Variants in CTNND2 observed in about 807,000 individuals in gnomAD.
CTNND2 encodes catenin delta-2.
Under a neutral mutation model 144.4 loss-of-function variants are expected in CTNND2, and 22 were observed. That is an observed-to-expected ratio of 0.15 (90% CI 0.11 to 0.22). The LOEUF (loss-of-function observed/expected upper bound fraction) is 0.22. CTNND2 is among the 10% of genes least tolerant of loss of function. The pLI is 1.00. For synonymous variants in CTNND2, 751 were observed against 695.6 expected (o/e 1.08, Z -1.25); for missense variants, 1,353 against 1,618.8 (o/e 0.84, Z 2.82).
chr5:11,076,007 C>T (rs747130108), intron 16 of CTNND2, among the ~76,000 whole-genome samples: 5 of 152,118 alleles, frequency 3.3e-5, no homozygotes, highest in Admixed American at 6.5e-5. Context: ...AACTACATAC[C>T]GAGTTCTTGT....
intron 16 of CTNND2, among the ~76,000 whole-genome samples, chr5:11,038,472 C>T (rs1312162590): frequency 6.6e-6 from 1 of 152,184 alleles, no homozygotes; most frequent in African/African-American, 2.4e-5. Flanking sequence ...CCACCGACCT[C>T]AGTCCATGGA....
chr5:11,384,869 C>T lies in CTNND2; in HGVS notation c.973G>A (p.Gly325Ser), dbSNP rs562893426. The T allele has an allele frequency of 1.2e-6, 2 of 1,612,162 alleles. No individual in the cohort carries two copies. The highest frequency in any genetic ancestry group is 1.7e-6 in the Non-Finnish European group (2 of 1,179,470). Reference sequence around the variant, plus strand: ...GAGGTCACGCGGATCGGGGACAGGCCGGCCGAGGACACGACGATGTTGATG... The same window carrying T: ...GAGGTCACGCGGATCGGGGACAGGCTGGCCGAGGACACGACGATGTTGATG... ...SPINIVVSSA[G>S]LSPIRVTSPP... Residue 325 changes from glycine to serine, a missense_variant, in exon 7 of 22, where the codon GGC becomes AGC. Coordinates refer to ENST00000304623, the MANE Select transcript of CTNND2 (RefSeq NM_001332.4). The surrounding 1 kb of genome is among the most constrained non-coding windows in gnomAD (Gnocchi z 5.2).
At chr5:11,618,259 T>C (rs1332638587) in intron 2 of CTNND2, among the ~76,000 whole-genome samples, 1 of 152,224 alleles carries the variant, frequency 6.6e-6, no homozygotes, top group Non-Finnish European at 1.5e-5. Flanking sequence ...AATGTTTGAA[T>C]ACAAATATAT....
intron 1 of CTNND2, among the ~76,000 whole-genome samples, chr5:11,847,773 T>C (rs1299647621): frequency 1.3e-5 from 2 of 151,894 alleles, no homozygotes; most frequent in African/African-American, 2.4e-5. Context: ...ATTATAAATT[T>C]TAAAAAACTA....
intron 19 of CTNND2, among the ~76,000 whole-genome samples, chr5:10,990,824 A>G (rs1173259744): frequency 6.6e-6 from 1 of 152,158 alleles, no homozygotes; most frequent in Admixed American, 6.5e-5. Flanking sequence ...CACTGTCTGC[A>G]TGGCTGGTTG....
intron 10 of CTNND2, among the ~76,000 whole-genome samples, chr5:11,211,624 C>T (rs932994332): frequency 6.6e-6 from 1 of 152,202 alleles, no homozygotes; most frequent in Non-Finnish European, 1.5e-5. Context: ...TTTTGGTTGA[C>T]TGACAGATGG....
At chr5:11,117,047 T>C (rs1753616927) in intron 13 of CTNND2, among the ~76,000 whole-genome samples, 3 of 151,408 alleles carry the variant, frequency 2.0e-5, no homozygotes, top group Admixed American at 2.0e-4. Context: ...AGAGCCTGGG[T>C]GACAGAGCGA....
chr5:11,539,364 C>T (rs1214590832), intron 3 of CTNND2, among the ~76,000 whole-genome samples: 1 of 152,188 alleles, frequency 6.6e-6, no homozygotes, highest in African/African-American at 2.4e-5. Context: ...CAGCCCATGT[C>T]TGCTTTGTGA....
At chr5:10,978,573 A>T (rs529988775) in intron 21 of CTNND2, among the ~76,000 whole-genome samples, 2 of 152,160 alleles carry the variant, frequency 1.3e-5, no homozygotes, top group African/African-American at 2.4e-5. Flanking sequence ...CCAATTATCC[A>T]CTTCCCTTGG....
At chr5:11,004,770 CAAA>C (rs56261802) in intron 18 of CTNND2, among the ~76,000 whole-genome samples, 7 of 88,834 alleles carry the variant, frequency 7.9e-5, no homozygotes, top group Non-Finnish European at 4.7e-5. Flanking sequence ...CTCCTTCTCA[CAAA>C]AAAAAAAAAA....
At chr5:11,149,673 T>A (rs1757566227) in intron 12 of CTNND2, among the ~76,000 whole-genome samples, 1 of 152,200 alleles carries the variant, frequency 6.6e-6, no homozygotes, top group Non-Finnish European at 1.5e-5. Flanking sequence ...TCTGAAGTCC[T>A]GGCGGTCTGT....
intron 9 of CTNND2, among the ~76,000 whole-genome samples, chr5:11,337,866 T>A (rs1200356541): frequency 6.6e-6 from 1 of 152,210 alleles, no homozygotes; most frequent in Non-Finnish European, 1.5e-5. Flanking sequence ...GCTTATTTTG[T>A]AAAAATTTCA....
intron 3 of CTNND2, among the ~76,000 whole-genome samples, chr5:11,532,973 G>A (rs1188525566): frequency 6.6e-6 from 1 of 152,202 alleles, no homozygotes; most frequent in African/African-American, 2.4e-5. Flanking sequence ...GTGAAATTAT[G>A]TTAGCAATTA....
rs1456275835 is a variant in CTNND2 at position 11,098,742 on chromosome 5, C to A, written c.2470G>T (p.Gly824Ter). The stretch of plus-strand genomic sequence containing the variant: ...GCACAGTCTGGAAGAGGTCCTACTC[C>A]ATCCCACTGGCGGAAGAAAAACAAG... ...KKKKSQDQWD[G>*]VGPLPDCAEP... Residue 824 changes from glycine (G) to a stop codon, truncating the protein, a stop_gained, in exon 15 of 22, where the codon GGA becomes TGA. Transcript: ENST00000304623. LOFTEE classifies it high-confidence loss of function. The A allele has an allele frequency of 6.2e-7, 1 of 1,611,796 alleles. No homozygotes were observed. The highest frequency in any genetic ancestry group is 8.5e-7 in the Non-Finnish European group (1 of 1,179,288).
chr5:11,202,117 A>T (rs1476043063), intron 10 of CTNND2, among the ~76,000 whole-genome samples: 1 of 152,022 alleles, frequency 6.6e-6, no homozygotes, highest in Admixed American at 6.6e-5. Flanking sequence ...CTTGCAGTGA[A>T]TCTATTGGTT....
chr5:11,666,955 C>A (rs931281800), intron 2 of CTNND2, among the ~76,000 whole-genome samples: 2 of 151,390 alleles, frequency 1.3e-5, no homozygotes, highest in African/African-American at 2.4e-5. Context: ...GTGTGATGTT[C>A]CCCTCCCTGT....
intron 2 of CTNND2, among the ~76,000 whole-genome samples, chr5:11,598,374 G>T (rs1779622921): frequency 6.6e-6 from 1 of 152,090 alleles, no homozygotes; most frequent in Non-Finnish European, 1.5e-5. Flanking sequence ...TCAGAATCAG[G>T]TAAGTTTCTA....
intron 3 of CTNND2, among the ~76,000 whole-genome samples, chr5:11,458,540 C>T (rs1765929400): frequency 7.9e-5 from 12 of 152,182 alleles, no homozygotes; most frequent in Admixed American, 7.9e-4. Flanking sequence ...AGTGCCTGAG[C>T]AGACACAGTT....
intron 3 of CTNND2, among the ~76,000 whole-genome samples, chr5:11,419,130 T>TGGC (rs1561364309): frequency 5.3e-5 from 8 of 151,672 alleles, no homozygotes. Context: ...ATGGTGGTGG[T>TGGC]GGCTCTACAG....
Sources: gnomAD v4.1 joint callset for allele counts (sites outside exome capture counted in the v4.1 genomes callset) on GRCh38, gnomAD v4.1.1 for gene constraint, Gnocchi (gnomAD v3.1) non-coding constraint, MANE v1.5 for transcripts, NCBI Gene and HGNC (gene_info 2026-07-23, HGNC 2026-07-21) for gene names.